GMDS: variants seen among roughly 807,000 people sequenced by gnomAD.
The protein encoded by GMDS is GDP-mannose 4,6 dehydratase.
Under a neutral mutation model 49.9 loss-of-function variants are expected in GMDS, and 20 were observed. The observed-to-expected ratio is 0.40, with a 90% CI of 0.28 to 0.58. The LOEUF (loss-of-function observed/expected upper bound fraction) is 0.58, where lower values mean the gene tolerates loss of function less well. Among genes scored for constraint, GMDS ranks in the 20% least tolerant of loss-of-function variants. GMDS has a pLI of 0.42. For synonymous variants in GMDS, 177 were observed against 178.6 expected (o/e 0.99, Z 0.07); for missense variants, 362 against 481.4 (o/e 0.75, Z 2.32).
chr6:1,841,107 T>C (rs1757135197), intron 7 of GMDS, among the ~76,000 whole-genome samples: 1 of 152,194 alleles, frequency 6.6e-6, no homozygotes, highest in Non-Finnish European at 1.5e-5. Flanking sequence ...TAAGCTTTGT[T>C]GACTAATGTT....
chr6:1,919,593 C>G (rs3800132), intron 7 of GMDS, among the ~76,000 whole-genome samples: 3,899 of 152,268 alleles, frequency 0.026, 160 homozygotes, highest in East Asian at 0.18. Context: ...TCAAATTTAT[C>G]TGTTTGGGGC....
At chr6:1,747,738 T>C (rs958485808) in intron 7 of GMDS, among the ~76,000 whole-genome samples, 1 of 152,224 alleles carries the variant, frequency 6.6e-6, no homozygotes, top group Non-Finnish European at 1.5e-5. Flanking sequence ...CCAAGCCTTA[T>C]TCTTTGTGGA....
At chr6:1,981,461 T>C (rs1019520683) in intron 4 of GMDS, among the ~76,000 whole-genome samples, 15 of 152,118 alleles carry the variant, frequency 9.9e-5, no homozygotes, top group African/African-American at 3.4e-4. Context: ...CCTGGACACA[T>C]ACACTCTCCC....
chr6:1,832,908 G>A (rs1451083452), intron 7 of GMDS, among the ~76,000 whole-genome samples: 2 of 152,126 alleles, frequency 1.3e-5, no homozygotes, highest in Admixed American at 6.5e-5. Context: ...ATCAGGCTGC[G>A]TCTCTGTGGC....
intron 7 of GMDS, among the ~76,000 whole-genome samples, chr6:1,822,562 G>C (rs927841248): frequency 7.9e-5 from 12 of 152,152 alleles, no homozygotes; most frequent in African/African-American, 2.7e-4. Flanking sequence ...TATTTTTCTA[G>C]ATTAGCAAAA....
intron 7 of GMDS, among the ~76,000 whole-genome samples, chr6:1,745,591 T>A (rs2113502676): frequency 6.6e-6 from 1 of 152,278 alleles, no homozygotes; most frequent in African/African-American, 2.4e-5. Flanking sequence ...GGCCTCTCCT[T>A]TTACTAGAGC....
chr6:1,947,443 C>T (rs1763124004), intron 6 of GMDS, among the ~76,000 whole-genome samples: 1 of 152,198 alleles, frequency 6.6e-6, no homozygotes, highest in African/African-American at 2.4e-5. Context: ...CTTCTTTACA[C>T]TGTGTGGGCA....
chr6:2,121,761 C>T (rs1775150487), intron 2 of GMDS, among the ~76,000 whole-genome samples: 1 of 152,130 alleles, frequency 6.6e-6, no homozygotes, highest in Non-Finnish European at 1.5e-5. Context: ...TAAAGGAGTG[C>T]GTCTAACTGT....
chr6:2,064,725 G>A (rs1241620260), intron 4 of GMDS, among the ~76,000 whole-genome samples: 1 of 152,192 alleles, frequency 6.6e-6, no homozygotes, highest in Non-Finnish European at 1.5e-5. Context: ...AGTTAATGAA[G>A]CTGGCATGGG....
chr6:2,197,942 G>C (rs1162875243), intron 1 of GMDS, among the ~76,000 whole-genome samples: 3 of 152,210 alleles, frequency 2.0e-5, no homozygotes, highest in Non-Finnish European at 4.4e-5. Flanking sequence ...GCGTGCATTA[G>C]AGTCAGAAAG....
At chr6:2,179,603 C>T (rs1348399464) in intron 1 of GMDS, among the ~76,000 whole-genome samples, 2 of 152,118 alleles carry the variant, frequency 1.3e-5, no homozygotes, top group South Asian at 2.1e-4. Flanking sequence ...CACCAGACAC[C>T]AATCCTGTAG....
intron 4 of GMDS, among the ~76,000 whole-genome samples, chr6:2,014,545 G>C (rs943975101): frequency 1.3e-5 from 2 of 151,856 alleles, no homozygotes; most frequent in Non-Finnish European, 2.9e-5. Context: ...CCAAACTTTA[G>C]GGCAACCACT....
chr6:1,846,481 G>A (rs1757418281), intron 7 of GMDS, among the ~76,000 whole-genome samples: 1 of 152,158 alleles, frequency 6.6e-6, no homozygotes, highest in Non-Finnish European at 1.5e-5. Context: ...GGGTTAGAGT[G>A]AACCATAGTT....
At chr6:1,741,575 C>T (rs1313893766) in intron 8 of GMDS, among the ~76,000 whole-genome samples, 1 of 151,848 alleles carries the variant, frequency 6.6e-6, no homozygotes, top group Non-Finnish European at 1.5e-5. Flanking sequence ...CTTTGGGAGG[C>T]CAAGGCGGGT....
intron 4 of GMDS, among the ~76,000 whole-genome samples, chr6:2,017,889 T>C (rs115632866): frequency 0.014 from 2,082 of 152,214 alleles, 51 homozygotes; most frequent in African/African-American, 0.048. Context: ...TAAGCCATAT[T>C]GTCACCAGGT....
intron 7 of GMDS, among the ~76,000 whole-genome samples, chr6:1,788,926 G>A (rs1457709850): frequency 2.0e-5 from 3 of 152,178 alleles, no homozygotes; most frequent in African/African-American, 4.8e-5. Context: ...GATCCCCAAC[G>A]AGACAGCCCT....
rs141366587 is a variant in GMDS at position 1,979,695 on chromosome 6, A to T, written c.346-18729T>A. The stretch of plus-strand genomic sequence containing the variant: ...CATTCAAATTCAGGAAATGCAGAGA[A>T]TCCCTGTGAAATACTTCATAAGAAG... On this transcript the variant is annotated intron_variant, in intron 4 of 10. Transcript: ENST00000380815. 2.0e-5 allele frequency among the ~76,000 whole-genome samples: 3 copies of T among 152,324 alleles called. No homozygotes were observed. The East Asian group carries it at 5.8e-4, about 29-fold the overall frequency.
chr6:2,232,092 A>G (rs1781133851), intron 1 of GMDS, among the ~76,000 whole-genome samples: 2 of 152,192 alleles, frequency 1.3e-5, no homozygotes, highest in Non-Finnish European at 1.5e-5. Flanking sequence ...TCAAAAGTAT[A>G]TAATTTGGTG....
intron 7 of GMDS, among the ~76,000 whole-genome samples, chr6:1,869,750 G>A (rs944175531): frequency 1.3e-5 from 2 of 152,224 alleles, no homozygotes; most frequent in Admixed American, 1.3e-4. Flanking sequence ...CCAGTGTTTG[G>A]GACCACAGTG....
Sources: allele counts gnomAD v4.1 joint callset (sites outside exome capture counted in the v4.1 genomes callset), GRCh38; gene constraint gnomAD v4.1.1; transcripts MANE v1.5; gene names NCBI Gene and HGNC (gene_info 2026-07-23, HGNC 2026-07-21).